The following PBXIP1 variants were observed in gnomAD, a reference collection of about 807,000 sequenced individuals.
PBXIP1 encodes the protein pre-B-cell leukemia transcription factor-interacting protein 1.
A neutral mutation model predicts 73.7 loss-of-function variants in PBXIP1; 73 were observed. The ratio of observed to expected loss-of-function variants is 0.99; its 90% CI spans 0.82 to 1.20. The LOEUF is 1.20. Among genes scored for constraint, PBXIP1 ranks in the 50% most tolerant of loss-of-function variants. PBXIP1 has a pLI of 0.00. For missense variants in PBXIP1, 818 were observed against 911.4 expected (o/e 0.90, Z 1.32); for synonymous variants, 330 against 366.9 (o/e 0.90, Z 1.15).
chr1:154,948,291 C>T lies in PBXIP1; in HGVS notation c.485G>A (p.Arg162Gln), dbSNP rs781275470. ...TDVDMEGLRRRRGREAGPPQP... is the reference protein window; with the variant it reads ...TDVDMEGLRRQRGREAGPPQP... ...AGGTGGGCCGGCCTCCCGGCCCCGC[C>T]GTCTCCGCAGACCCTCCATGTCCAC... Residue 162 changes from arginine to glutamine, a missense_variant, in exon 6 of 11, where the codon CGG (arginine) becomes CAG (glutamine). Physicochemically the swap from Arg to Gln is conservative, Grantham distance 43 (BLOSUM62 1). Transcript: ENST00000368463. 24 of 1,611,088 alleles carry T rather than the reference C, an allele frequency of 1.5e-5. No homozygotes were observed. Among genetic ancestry groups the T allele is most frequent in the African/African-American group, 4.0e-5 (3 of 74,908 alleles).
rs1172983364 is a variant in PBXIP1 at position 154,946,114 on chromosome 1, G to T, written c.1560C>A (p.Gly520=). The T allele has an allele frequency of 1.2e-6, 2 of 1,614,050 alleles. No individual in the cohort carries two copies. The highest frequency in any genetic ancestry group is 3.3e-5 in the Admixed American group (2 of 60,016). ...DREPAGRWKE[G]RPRVEESGSK... The stretch of plus-strand genomic sequence containing the variant: ...TCCCCGACTCCTCCACCCTTGGCCT[G>T]CCCTCCTTCCACCTTCCTGCTGGCT... Residue 520 remains glycine, a synonymous_variant, in exon 10 of 11, where the codon GGC becomes GGA. Coordinates refer to ENST00000368463, the MANE Select transcript of PBXIP1 (RefSeq NM_020524.4).
rs1654716242 is a variant in PBXIP1 at position 154,944,112 on chromosome 1, C to T, written c.*912G>A. On this transcript the variant is annotated 3_prime_UTR_variant, in exon 11 of 11. Transcript: ENST00000368463. ...TGCGTTGCTTTTATTTAATCACTTC[C>T]CCAGCCCTTCCATCGCCTTTTTTGA... 1 of 152,232 alleles carries T rather than the reference C, an allele frequency of 6.6e-6. No individual in the cohort carries two copies. The highest frequency in any genetic ancestry group is 2.4e-5 in the African/African-American group (1 of 41,406). The allele number at this position is 152,232 out of a possible 1,614,324, so 9.4% of individuals were successfully genotyped here.
intron 2 of PBXIP1, 151 bp downstream of exon 2, chr1:154,953,520 C>A: frequency 1.6e-6 from 1 of 614,392 alleles, no homozygotes. Flanking sequence ...TGATCTACTT[C>A]TTCCTGCTAC....
chr1:154,951,785 G>T lies in PBXIP1; in HGVS notation c.178+10C>A. 6.2e-7 allele frequency: 1 copy of T among 1,613,180 alleles called. No homozygotes were observed. On this transcript the variant is annotated intron_variant, in intron 3 of 10. Coordinates refer to ENST00000368463, the MANE Select transcript of PBXIP1 (RefSeq NM_020524.4). This position sits in a 1 kb window ranked among gnomAD's most constrained non-coding sequence, Gnocchi z 4.3. ...GTCCGGTAAGCTATGTCCTAAGCAG[G>T]GCCCAGTACCTTCTCCATCCATGGT...
intron 10 of PBXIP1, 132 bp from the exon 11 acceptor site, chr1:154,945,249 G>A (rs1558036529): frequency 3.0e-6 from 2 of 670,566 alleles, no homozygotes; most frequent in Non-Finnish European, 5.1e-6. Flanking sequence ...GGAAAAACCT[G>A]GTCTCCCAGG....
At chr1:154,949,931 T>C (rs1043033956) in intron 5 of PBXIP1, among the ~76,000 whole-genome samples, 8 of 152,200 alleles carry the variant, frequency 5.3e-5, no homozygotes, top group African/African-American at 1.9e-4. Context: ...TGCCTGTGCC[T>C]CCCAAAGTGT....
rs1654990523 is a variant in PBXIP1 at position 154,951,113 on chromosome 1, G to A, written c.409+119C>T. 2.3e-6 allele frequency: 2 copies of A among 864,836 alleles called. No homozygotes were observed. Among genetic ancestry groups the A allele is most frequent in the East Asian group, 2.6e-5 (1 of 38,152 alleles). The allele number at this position is 864,836 out of a possible 1,614,324, so 53.6% of individuals were successfully genotyped here. The stretch of plus-strand genomic sequence containing the variant: ...TCCCAGGGGTAGTGGTGAGAAAGGA[G>A]AGCACCAAGCTGCTCAGCCCTAGGG... On this transcript the variant is annotated intron_variant, in intron 5 of 10. Coordinates refer to ENST00000368463, the MANE Select transcript of PBXIP1 (RefSeq NM_020524.4). The surrounding 1 kb of genome is among the most constrained non-coding windows in gnomAD (Gnocchi z 4.3).
At position 154,947,701 on chromosome 1, in the gene PBXIP1, C is replaced by T. The variant is rs1400498712; in HGVS notation, c.679G>A (p.Glu227Lys). The change falls in exon 8 of 11, where the codon GAA becomes AAA. Residue 227 changes from glutamate to lysine, a missense_variant. Glu to Lys is a moderately conservative substitution (Grantham distance 56). Coordinates refer to ENST00000368463, the MANE Select transcript of PBXIP1 (RefSeq NM_020524.4). ...LSESETGPME[E>K]VERQVLPDPE... ...TCTGGGAGGACCTGCCGCTCCACTT[C>T]CTCCATGGGCCCTGTGGGAAAGGGA... is the stretch of plus-strand genomic sequence containing the variant. 6.2e-7 allele frequency: 1 copy of T among 1,613,660 alleles called. No individual in the cohort carries two copies. Among genetic ancestry groups the T allele is most frequent in the Admixed American group, 1.7e-5 (1 of 60,010 alleles).
intron 1 of PBXIP1, among the ~76,000 whole-genome samples, 173 bp from the exon 2 acceptor site, chr1:154,953,930 TG>T (rs1443597947): frequency 4.6e-5 from 7 of 152,208 alleles, no homozygotes; most frequent in African/African-American, 1.7e-4. Context: ...GTATTTGCCT[TG>T]CAAATCAGAA....
At position 154,951,483 on chromosome 1, in the gene PBXIP1, C is replaced by T; in HGVS notation, c.231G>A (p.Glu77=). The T allele has an allele frequency of 1.2e-6, 2 of 1,614,128 alleles. No homozygotes were observed. Among genetic ancestry groups the T allele is most frequent in the Non-Finnish European group, 8.5e-7 (1 of 1,179,990 alleles). The change falls in exon 4 of 11, where the codon GAG becomes GAA. Residue 77 remains glutamate (E), a synonymous_variant. Coordinates refer to ENST00000368463, the MANE Select transcript of PBXIP1 (RefSeq NM_020524.4). The surrounding 1 kb of genome is among the most constrained non-coding windows in gnomAD (Gnocchi z 4.3). ...CAAATCTCCTCACCTTGACCTCAGTCTCCTCTGTTAGAATGCTGCCAGACT... is the reference window on the plus strand; with the variant it reads ...CAAATCTCCTCACCTTGACCTCAGTTTCCTCTGTTAGAATGCTGCCAGACT... ...SPQSGSILTE[E]TEVKGTLEGD...
At chr1:154,953,811 G>T in intron 1 of PBXIP1, 54 bp from the exon 2 acceptor site, 1 of 1,156,968 alleles carries the variant, frequency 8.6e-7, no homozygotes, top group Non-Finnish European at 1.3e-6. Flanking sequence ...GGGGCAGAAT[G>T]CAGAAAGCAG....
chr1:154,955,008 G>A (rs1031861930), intron 1 of PBXIP1: 9 of 979,660 alleles, frequency 9.2e-6, no homozygotes, highest in African/African-American at 1.8e-5. Context: ...CAAGTCCTGC[G>A]TGGTGCCCTA....
At chr1:154,954,396 A>G (rs554041680) in intron 1 of PBXIP1, among the ~76,000 whole-genome samples, 93 of 152,256 alleles carry the variant, frequency 6.1e-4, no homozygotes, top group Admixed American at 3.3e-3. Context: ...CTTTTAAAAA[A>G]CCACTCAAAT....
chr1:154,951,104 G>A lies in PBXIP1; in HGVS notation c.409+128C>T. ...GCCTCAACGTCCCAGGGGTAGTGGT[G>A]AGAAAGGAGAGCACCAAGCTGCTCA... On this transcript the variant is annotated intron_variant, in intron 5 of 10. Transcript: ENST00000368463. The surrounding 1 kb of genome is among the most constrained non-coding windows in gnomAD (Gnocchi z 4.3). The A allele has an allele frequency of 7.6e-6, 6 of 794,566 alleles. No homozygotes were observed. The highest frequency in any genetic ancestry group is 1.7e-5 in the South Asian group (1 of 58,194). 49.2% of individuals were successfully genotyped at this position (794,566 alleles called of 1,614,324 possible). A position where few individuals can be genotyped will look rare whatever the true frequency, so the allele number is the denominator to read the frequency against.
In PBXIP1 at chr1:154,946,413, G is replaced by A. The variant is rs375140057; in HGVS notation, c.1261C>T (p.Arg421Cys). 33 of 1,611,022 alleles carry A rather than the reference G, an allele frequency of 2.0e-5. No individual in the cohort carries two copies. Among genetic ancestry groups the A allele is most frequent in the Middle Eastern group, 3.3e-4 (2 of 6,084 alleles). The change falls in exon 10 of 11, where the codon CGC (arginine) becomes TGC (cysteine). Residue 421 changes from arginine to cysteine, a missense_variant. Coordinates refer to ENST00000368463, the MANE Select transcript of PBXIP1 (RefSeq NM_020524.4). ...AAGCCAGCATGAGCTGGGTCCCCGC[G>A]GCTGGCATCCTGCAAGCTCCTCTCC... is the stretch of plus-strand genomic sequence containing the variant. Reference protein sequence around the residue: ...DLERSLQDASRGDPAHAGLAE... With the variant: ...DLERSLQDASCGDPAHAGLAE...
intron 2 of PBXIP1, among the ~76,000 whole-genome samples, chr1:154,952,410 G>T (rs895398823): frequency 6.6e-6 from 1 of 151,564 alleles, no homozygotes; most frequent in South Asian, 2.1e-4. Flanking sequence ...ACACTCCCCC[G>T]ACACCCGTCT....
At position 154,951,345 on chromosome 1, in the gene PBXIP1, G is replaced by T; in HGVS notation, c.296C>A (p.Thr99Lys). 6.2e-7 allele frequency: 1 copy of T among 1,614,132 alleles called. No homozygotes were observed. The highest frequency in any genetic ancestry group is 8.5e-7 in the Non-Finnish European group (1 of 1,179,962). The change falls in exon 5 of 11, where the codon ACA (threonine) becomes AAA (lysine). Residue 99 changes from threonine to lysine, a missense_variant. Transcript: ENST00000368463. The surrounding 1 kb of genome is among the most constrained non-coding windows in gnomAD (Gnocchi z 4.3). ...CTCCTGCAGGTCTCCCTGGACTACTGTGTCTCCTGGGCCAGGAGGCTCCAC... is the reference window on the plus strand; with the variant it reads ...CTCCTGCAGGTCTCCCTGGACTACTTTGTCTCCTGGGCCAGGAGGCTCCAC... ...CGVEPPGPGD[T>K]VVQGDLQETT...
At position 154,951,176 on chromosome 1, in the gene PBXIP1, C is replaced by T. The variant is rs1654992040; in HGVS notation, c.409+56G>A. ...CATGTGCTCAGTAGTGATGGCTGAT[C>T]CCTCTCCCATACCTTCTAGAAGGAG... On this transcript the variant is annotated intron_variant, in intron 5 of 10. Transcript: ENST00000368463. The surrounding 1 kb of genome is among the most constrained non-coding windows in gnomAD (Gnocchi z 4.3). The T allele has an allele frequency of 6.6e-7, 1 of 1,512,762 alleles. No individual in the cohort carries two copies. The allele number at this position is 1,512,762 out of a possible 1,614,324, so 93.7% of individuals were successfully genotyped here. A position where few individuals can be genotyped will look rare whatever the true frequency, so the allele number is the denominator to read the frequency against.
intron 7 of PBXIP1, 84 bp from the exon 8 acceptor site, chr1:154,947,796 C>T (rs554895578): frequency 1.1e-5 from 16 of 1,476,948 alleles, no homozygotes; most frequent in Middle Eastern, 1.8e-4. Flanking sequence ...ACAGCCACCA[C>T]TCCTGCTCAG....
Sources: allele counts gnomAD v4.1 joint callset (sites outside exome capture counted in the v4.1 genomes callset), GRCh38; gene constraint gnomAD v4.1.1; non-coding constraint Gnocchi (gnomAD v3.1); transcripts MANE v1.5; gene names NCBI Gene and HGNC (gene_info 2026-07-23, HGNC 2026-07-21).